RBMS3: variants seen among roughly 807,000 people sequenced by gnomAD.
The protein encoded by RBMS3 is RNA-binding motif, single-stranded-interacting protein 3.
RBMS3 carries 27 observed loss-of-function variants against 66.8 expected under a neutral mutation model. That is an observed-to-expected ratio of 0.40 (90% confidence interval 0.30 to 0.56). RBMS3 has a LOEUF of 0.56. RBMS3 is among the 20% of genes least tolerant of loss of function. The pLI is 0.40. For synonymous variants in RBMS3, 188 were observed against 183.0 expected (o/e 1.03, Z -0.22); for missense variants, 513 against 549.5 (o/e 0.93, Z 0.66).
chr3:29,816,423 G>A (rs1240397192), intron 6 of RBMS3, among the ~76,000 whole-genome samples: 1 of 151,976 alleles, frequency 6.6e-6, no homozygotes. Context: ...TAATCTGGTT[G>A]TATGCCCAAG....
At chr3:29,887,854 A>G (rs73831080) in intron 8 of RBMS3, among the ~76,000 whole-genome samples, 3,399 of 151,914 alleles carry the variant, frequency 0.022, 127 homozygotes, top group African/African-American at 0.078. Flanking sequence ...TTCTACAAAG[A>G]CATAATTTCC....
At chr3:29,592,378 T>A (rs2198973) in intron 4 of RBMS3, among the ~76,000 whole-genome samples, 151,110 of 152,284 alleles carry the variant, frequency 0.99, 74,978 homozygotes, top group East Asian at 1. Context: ...AAAAGAAGAC[T>A]TTTATGCAGC....
chr3:29,700,122 T>G (rs935480614), intron 4 of RBMS3, among the ~76,000 whole-genome samples: 2 of 152,226 alleles, frequency 1.3e-5, no homozygotes, highest in Non-Finnish European at 2.9e-5. Flanking sequence ...GTCACAATAC[T>G]GGACTATGTG....
chr3:29,389,826 G>A (rs4622862), intron 1 of RBMS3, among the ~76,000 whole-genome samples: 26,506 of 151,968 alleles, frequency 0.17, 2,991 homozygotes, highest in East Asian at 0.58. Flanking sequence ...AGGCTCTGCT[G>A]TTTGAGGACT....
At chr3:29,389,410 A>G (rs977477733) in intron 1 of RBMS3, among the ~76,000 whole-genome samples, 1 of 152,212 alleles carries the variant, frequency 6.6e-6, no homozygotes, top group African/African-American at 2.4e-5. Flanking sequence ...ATTCACTGGC[A>G]TTAAGTACCT....
intron 2 of RBMS3, among the ~76,000 whole-genome samples, chr3:29,453,400 G>A (rs554386787): frequency 2.0e-5 from 3 of 152,304 alleles, no homozygotes; most frequent in South Asian, 4.1e-4. Context: ...CAGACCTGGT[G>A]CCAGCCTAAT....
intron 4 of RBMS3, among the ~76,000 whole-genome samples, chr3:29,666,155 A>G (rs190612582): frequency 1.3e-5 from 2 of 152,284 alleles, no homozygotes; most frequent in African/African-American, 4.8e-5. Flanking sequence ...TCTTTCAAGC[A>G]TTTGTTCAAA....
intron 1 of RBMS3, among the ~76,000 whole-genome samples, chr3:29,421,093 A>G (rs2040710731): frequency 6.6e-6 from 1 of 151,716 alleles, no homozygotes. Flanking sequence ...AGCCTGGGCA[A>G]CAGAGCGAGA....
intron 1 of RBMS3, among the ~76,000 whole-genome samples, chr3:29,340,129 G>A (rs2036196514): frequency 6.6e-6 from 1 of 152,144 alleles, no homozygotes; most frequent in Non-Finnish European, 1.5e-5. Flanking sequence ...TTTTGATAGA[G>A]TTTGTCTGTC....
At chr3:29,671,950 T>C (rs1218021998) in intron 4 of RBMS3, among the ~76,000 whole-genome samples, 1 of 152,154 alleles carries the variant, frequency 6.6e-6, no homozygotes, top group East Asian at 1.9e-4. Context: ...AAGATACTCC[T>C]TGAGAATCAG....
At chr3:29,791,410 T>A (rs557694585) in intron 6 of RBMS3, among the ~76,000 whole-genome samples, 1 of 152,316 alleles carries the variant, frequency 6.6e-6, no homozygotes, top group Admixed American at 6.5e-5. Flanking sequence ...CAGGATATCA[T>A]TAAAAAACAA....
chr3:29,386,870 A>G (rs1323817276), intron 1 of RBMS3, among the ~76,000 whole-genome samples: 1 of 152,216 alleles, frequency 6.6e-6, no homozygotes, highest in Non-Finnish European at 1.5e-5. Context: ...CAACGTCATC[A>G]AAGATCTTTA....
intron 5 of RBMS3, among the ~76,000 whole-genome samples, chr3:29,756,323 A>G (rs1042608091): frequency 6.6e-6 from 1 of 152,192 alleles, no homozygotes; most frequent in Non-Finnish European, 1.5e-5. Context: ...GCCCAGGTGT[A>G]TTAGTCCATC....
At chr3:29,691,052 C>G (rs1459480698) in intron 4 of RBMS3, among the ~76,000 whole-genome samples, 1 of 152,156 alleles carries the variant, frequency 6.6e-6, no homozygotes, top group Non-Finnish European at 1.5e-5. Context: ...AAAATATAAT[C>G]TACCAGAGGG....
intron 1 of RBMS3, among the ~76,000 whole-genome samples, chr3:29,309,191 C>A (rs1216591806): frequency 6.7e-6 from 1 of 148,582 alleles, no homozygotes; most frequent in Non-Finnish European, 1.5e-5. Context: ...GCTGGAATGA[C>A]ACTGAAAATG....
chr3:29,438,251 A>G (rs1036741897), intron 2 of RBMS3, among the ~76,000 whole-genome samples: 4 of 152,218 alleles, frequency 2.6e-5, no homozygotes, highest in African/African-American at 9.6e-5. Flanking sequence ...CTATGAAATT[A>G]TAAGCACTTT....
intron 1 of RBMS3, among the ~76,000 whole-genome samples, chr3:29,334,305 A>C (rs1033126425): frequency 6.6e-6 from 1 of 152,182 alleles, no homozygotes; most frequent in South Asian, 2.1e-4. Flanking sequence ...GAGAGTTAAG[A>C]TGTCTTTACA....
At chr3:29,648,962 A>G (rs975456887) in intron 4 of RBMS3, among the ~76,000 whole-genome samples, 1 of 152,118 alleles carries the variant, frequency 6.6e-6, no homozygotes, top group Non-Finnish European at 1.5e-5. Context: ...ATGCAACTTC[A>G]CCACCTGTTT....
intron 1 of RBMS3, among the ~76,000 whole-genome samples, chr3:29,374,203 A>G (rs2038349549): frequency 6.6e-6 from 1 of 152,212 alleles, no homozygotes; most frequent in Non-Finnish European, 1.5e-5. Context: ...GTGAAGATGG[A>G]TCATTCACAA....
Sources: gnomAD v4.1 joint callset for allele counts (sites outside exome capture counted in the v4.1 genomes callset) on GRCh38, gnomAD v4.1.1 for gene constraint, MANE v1.5 for transcripts, NCBI Gene and HGNC (gene_info 2026-07-23, HGNC 2026-07-21) for gene names.